TBCC: variants seen among roughly 807,000 people sequenced by gnomAD.
The protein encoded by TBCC is tubulin folding cofactor C.
In TBCC, 25 loss-of-function variants were observed where a neutral mutation model predicts 25.3. The observed-to-expected ratio is 0.99, with a 90% confidence interval of 0.72 to 1.38. The LOEUF (loss-of-function observed/expected upper bound fraction) is 1.38, where lower values mean the gene tolerates loss of function less well. Among genes scored for constraint, TBCC ranks in the 40% most tolerant of loss-of-function variants. The pLI is 0.00. For missense variants in TBCC, 507 were observed against 447.2 expected (o/e 1.13, Z -1.21); for synonymous variants, 226 against 192.8 (o/e 1.17, Z -1.43).
rs1259678802 is a variant in TBCC, at chr6:42,744,807, G to T, written c.*226C>A. The T allele has an allele frequency of 2.5e-5, 11 of 438,698 alleles. No homozygotes were observed. The allele number at this position is 438,698 out of a possible 1,614,324, so 27.2% of individuals were successfully genotyped here. Reference sequence around the variant, plus strand: ...CCAGCGCGCCACCACGCTGGGGGACGGAGTAAGACTCAGTCTCAAAGGCAT... The same window carrying T: ...CCAGCGCGCCACCACGCTGGGGGACTGAGTAAGACTCAGTCTCAAAGGCAT... On this transcript the variant is annotated 3_prime_UTR_variant, in exon 1 of 1. Transcript: ENST00000372876.
Position 42,744,819 on chromosome 6 carries a change from A to T in TBCC, c.*214T>A. On this transcript the variant is annotated 3_prime_UTR_variant, in exon 1 of 1. Transcript: ENST00000372876. ...CACGCTGGGGGACGGAGTAAGACTC[A>T]GTCTCAAAGGCATGACGAAAATAGC... The T allele has an allele frequency of 3.7e-6, 2 of 547,352 alleles. No individual in the cohort carries two copies. The highest frequency in any genetic ancestry group is 2.6e-5 in the South Asian group (1 of 38,364). The allele number at this position is 547,352 out of a possible 1,614,324, so 33.9% of individuals were successfully genotyped here.
Position 42,745,063 on chromosome 6 carries a change from AGG to A in TBCC, c.1009_1010del (p.Pro337Ter). Reference protein sequence around the residue: ...DMASPNWSILPEEERNIQWD With the variant: ...DMASPNWSILXEEERNIQWD ...CCCACTGGATATTTCGCTCCTCTTC[AGG>A]AAGAATACTCCAGTTTGGGGAGGCC... is the stretch of plus-strand genomic sequence containing the variant. On this transcript the variant is annotated frameshift_variant, in exon 1 of 1. Transcript: ENST00000372876. LOFTEE classifies it high-confidence loss of function. The surrounding 1 kb of genome is among the most constrained non-coding windows in gnomAD (Gnocchi z 4.2). The A allele has an allele frequency of 6.2e-7, 1 of 1,614,240 alleles. No individual in the cohort carries two copies. The highest frequency in any genetic ancestry group is 8.5e-7 in the Non-Finnish European group (1 of 1,180,036).
rs1762243926 is a variant in TBCC, at chr6:42,745,383, G to A, written c.691C>T (p.His231Tyr). The change falls in exon 1 of 1, where the codon CAC (histidine) becomes TAC (tyrosine). Residue 231 changes from histidine to tyrosine, a missense_variant. His to Tyr is a moderately conservative substitution (Grantham distance 83, BLOSUM62 2). Transcript: ENST00000372876. This position sits in a 1 kb window ranked among gnomAD's most constrained non-coding sequence, Gnocchi z 4.2. ...NPNTLRLTKA[H>Y]SCKLLCGPVS... ...GGACCGCAGAGCAGCTTGCAGCTGT[G>A]GGCCTTGGTTAGCCGCAGGGTGTTG... 1.2e-6 allele frequency: 2 copies of A among 1,614,198 alleles called. No individual in the cohort carries two copies. The highest frequency in any genetic ancestry group is 1.7e-6 in the Non-Finnish European group (2 of 1,180,034).
chr6:42,745,619 A>C lies in TBCC; in HGVS notation c.455T>G (p.Val152Gly). Residue 152 changes from valine (V) to glycine (G), a missense_variant, in exon 1 of 1, where the codon GTA (valine) becomes GGA (glycine). Val to Gly is a moderately radical substitution (Grantham distance 109). Transcript: ENST00000372876. This position sits in a 1 kb window ranked among gnomAD's most constrained non-coding sequence, Gnocchi z 4.2. ...RGKDAASSTK[V>G]DAAPGIPPAV... ...CGGGGGGATGCCAGGAGCCGCGTCT[A>C]CTTTGGTAGACGAAGCAGCATCCTT... The C allele has an allele frequency of 6.2e-7, 1 of 1,612,810 alleles. No individual in the cohort carries two copies. The highest frequency in any genetic ancestry group is 8.5e-7 in the Non-Finnish European group (1 of 1,179,298).
In TBCC at chr6:42,746,062, G is replaced by C. The variant is rs141344378; in HGVS notation, c.12C>G (p.Val4=). 346 of 1,612,998 alleles carry C rather than the reference G, an allele frequency of 2.1e-4. No homozygotes were observed. In the African/African-American group the frequency reaches 4.0e-3, roughly 19 times the overall value. ...TCCTGACAGCAGCAGCGGAGCAACTGACGGACTCCATATTGGCTTCAAGCT... is the reference window on the plus strand; with the variant it reads ...TCCTGACAGCAGCAGCGGAGCAACTCACGGACTCCATATTGGCTTCAAGCT... MES[V]SCSAAAVRTG... The change falls in exon 1 of 1, where the codon GTC becomes GTG. Residue 4 remains valine (V), a synonymous_variant. Transcript: ENST00000372876.
chr6:42,746,050 A>G lies in TBCC; in HGVS notation c.24T>C (p.Ala8=). 1.2e-6 allele frequency: 2 copies of G among 1,613,536 alleles called. No homozygotes were observed. The highest frequency in any genetic ancestry group is 1.7e-6 in the Non-Finnish European group (2 of 1,179,572). Reference sequence around the variant, plus strand: ...CCATGTCTCCGGTCCTGACAGCAGCAGCGGAGCAACTGACGGACTCCATAT... The same window carrying G: ...CCATGTCTCCGGTCCTGACAGCAGCGGCGGAGCAACTGACGGACTCCATAT... MESVSCS[A]AAVRTGDMES... Residue 8 remains alanine, a synonymous_variant, in exon 1 of 1, where the codon GCT becomes GCC. Coordinates refer to ENST00000372876, the MANE Select transcript of TBCC (RefSeq NM_003192.3).
Position 42,744,944 on chromosome 6 carries a change from G to A in TBCC, c.*89C>T, listed in dbSNP as rs1483641185. 4.0e-6 allele frequency: 5 copies of A among 1,236,444 alleles called. No individual in the cohort carries two copies. In the African/African-American group the frequency reaches 4.5e-5, roughly 11 times the overall value. The allele number at this position is 1,236,444 out of a possible 1,614,324, so 76.6% of individuals were successfully genotyped here. ...TTAAAATGCTGAAAACATACACAGT[G>A]TGACAATAAGTAAACTTCGAGACCC... On this transcript the variant is annotated 3_prime_UTR_variant, in exon 1 of 1. Transcript: ENST00000372876.
rs972698973 is a variant in TBCC at position 42,746,096 on chromosome 6, C to T, written c.-23G>A. The T allele has an allele frequency of 1.9e-6, 3 of 1,592,058 alleles. No individual in the cohort carries two copies. The highest frequency in any genetic ancestry group is 2.6e-6 in the Non-Finnish European group (3 of 1,167,048). On this transcript the variant is annotated 5_prime_UTR_variant, in exon 1 of 1. Coordinates refer to ENST00000372876, the MANE Select transcript of TBCC (RefSeq NM_003192.3). The stretch of plus-strand genomic sequence containing the variant: ...CATATTGGCTTCAAGCTTCCTCTCT[C>T]TTGTCTTCCTTCCTCCGGGCGCGCT...
chr6:42,745,266 G>C lies in TBCC; in HGVS notation c.808C>G (p.Arg270Gly), dbSNP rs1340129351. The change falls in exon 1 of 1, where the codon CGC (arginine) becomes GGC (glycine). Residue 270 changes from arginine (R) to glycine (G), a missense_variant. By Grantham distance (125) the Arg-to-Gly change is moderately radical. Transcript: ENST00000372876. The surrounding 1 kb of genome is among the most constrained non-coding windows in gnomAD (Gnocchi z 4.2). ...CTGCTGGTCACCTGCAGGAAGATGC[G>C]GGTGTCTTTCGTACTGTGTATGCGG... is the stretch of plus-strand genomic sequence containing the variant. The part of the protein sequence containing the change: ...QLRIHSTKDT[R>G]IFLQVTSRAI... 1 of 1,614,230 alleles carries C rather than the reference G, an allele frequency of 6.2e-7. No individual in the cohort carries two copies. Among genetic ancestry groups the C allele is most frequent in the Non-Finnish European group, 8.5e-7 (1 of 1,180,046 alleles).
In TBCC at chr6:42,745,409, G is replaced by A; in HGVS notation, c.665C>T (p.Pro222Leu). The A allele has an allele frequency of 9.3e-6, 15 of 1,614,226 alleles. No individual in the cohort carries two copies. The highest frequency in any genetic ancestry group is 1.2e-5 in the Non-Finnish European group (14 of 1,180,048). Residue 222 changes from proline (P) to leucine (L), a missense_variant, in exon 1 of 1, where the codon CCC (proline) becomes CTC (leucine). By Grantham distance (98) the Pro-to-Leu change is moderately conservative. Coordinates refer to ENST00000372876, the MANE Select transcript of TBCC (RefSeq NM_003192.3). This position sits in a 1 kb window ranked among gnomAD's most constrained non-coding sequence, Gnocchi z 4.2. ...GGCCTTGGTTAGCCGCAGGGTGTTG[G>A]GATTTCCATACAGTCTGACCGTGCA... ...SNCTVRLYGNPNTLRLTKAHS... is the reference protein window; with the variant it reads ...SNCTVRLYGNLNTLRLTKAHS...
chr6:42,745,040 C>T lies in TBCC; in HGVS notation c.1034G>A (p.Trp345Ter). Reference protein sequence around the residue: ...ILPEEERNIQWD With the variant: ...ILPEEERNIQ ...GAACAGAGTGACAACTGCTTAGTCC[C>T]ACTGGATATTTCGCTCCTCTTCAGG... The change falls in exon 1 of 1, where the codon TGG becomes TAG. Residue 345 changes from tryptophan to a stop codon, truncating the protein, a stop_gained. Coordinates refer to ENST00000372876, the MANE Select transcript of TBCC (RefSeq NM_003192.3). LOFTEE classifies it high-confidence loss of function. The surrounding 1 kb of genome is among the most constrained non-coding windows in gnomAD (Gnocchi z 4.2). The T allele has an allele frequency of 6.2e-7, 1 of 1,613,618 alleles. No individual in the cohort carries two copies. The highest frequency in any genetic ancestry group is 1.1e-5 in the South Asian group (1 of 91,014).
In TBCC at chr6:42,745,265, C is replaced by A; in HGVS notation, c.809G>T (p.Arg270Leu). The A allele has an allele frequency of 6.2e-7, 1 of 1,614,218 alleles. No individual in the cohort carries two copies. The highest frequency in any genetic ancestry group is 8.5e-7 in the Non-Finnish European group (1 of 1,180,042). The change falls in exon 1 of 1, where the codon CGC becomes CTC. Residue 270 changes from arginine (R) to leucine (L), a missense_variant. Arg to Leu is a moderately radical substitution (Grantham distance 102). Coordinates refer to ENST00000372876, the MANE Select transcript of TBCC (RefSeq NM_003192.3). The surrounding 1 kb of genome is among the most constrained non-coding windows in gnomAD (Gnocchi z 4.2). ...CCTGCTGGTCACCTGCAGGAAGATG[C>A]GGGTGTCTTTCGTACTGTGTATGCG... The part of the protein sequence containing the change: ...QLRIHSTKDT[R>L]IFLQVTSRAI...
In TBCC at chr6:42,745,553, G is replaced by A. The variant is rs544367395; in HGVS notation, c.521C>T (p.Ala174Val). 2.4e-5 allele frequency: 39 copies of A among 1,611,882 alleles called. No homozygotes were observed. The highest frequency in any genetic ancestry group is 7.7e-5 in the South Asian group (7 of 90,692). ...CCAGCTGGGGCCGAGGTCTCCTTCC[G>A]CCTTCTTGGGCAGCGGGGAGTCCTG... The part of the protein sequence containing the change: ...SIQDSPLPKK[A>V]EGDLGPSWVC... Residue 174 changes from alanine (A) to valine (V), a missense_variant, in exon 1 of 1, where the codon GCG becomes GTG. Transcript: ENST00000372876. This position sits in a 1 kb window ranked among gnomAD's most constrained non-coding sequence, Gnocchi z 4.2.
chr6:42,745,478 C>T lies in TBCC; in HGVS notation c.596G>A (p.Ser199Asn). The T allele has an allele frequency of 6.2e-7, 1 of 1,613,038 alleles. No individual in the cohort carries two copies. Among genetic ancestry groups the T allele is most frequent in the Non-Finnish European group, 8.5e-7 (1 of 1,179,554 alleles). Reference protein sequence around the residue: ...LESQVLEKRASELHQRDVLLT... With the variant: ...LESQVLEKRANELHQRDVLLT... The stretch of plus-strand genomic sequence containing the variant: ...AAGAACGTCGCGCTGGTGCAACTCG[C>T]TGGCTCTCTTCTCCAAGACTTGGGA... The change falls in exon 1 of 1, where the codon AGC becomes AAC. Residue 199 changes from serine to asparagine, a missense_variant. Physicochemically the swap from Ser to Asn is conservative, Grantham distance 46 (BLOSUM62 1). Transcript: ENST00000372876. This position sits in a 1 kb window ranked among gnomAD's most constrained non-coding sequence, Gnocchi z 4.2.
rs774312032 is a variant in TBCC, at chr6:42,745,280, C to T, written c.794G>A (p.Ser265Asn). 3.7e-6 allele frequency: 6 copies of T among 1,614,104 alleles called. No homozygotes were observed. Among genetic ancestry groups the T allele is most frequent in the Middle Eastern group, 1.6e-4 (1 of 6,084 alleles). Residue 265 changes from serine to asparagine, a missense_variant, in exon 1 of 1, where the codon AGT (serine) becomes AAT (asparagine). Transcript: ENST00000372876. This position sits in a 1 kb window ranked among gnomAD's most constrained non-coding sequence, Gnocchi z 4.2. Reference protein sequence around the residue: ...AVACQQLRIHSTKDTRIFLQV... With the variant: ...AVACQQLRIHNTKDTRIFLQV... ...CAGGAAGATGCGGGTGTCTTTCGTACTGTGTATGCGGAGCTGTTGGCAGGC... is the reference window on the plus strand; with the variant it reads ...CAGGAAGATGCGGGTGTCTTTCGTATTGTGTATGCGGAGCTGTTGGCAGGC...
chr6:42,745,651 G>A lies in TBCC; in HGVS notation c.423C>T (p.Thr141=). 1.2e-6 allele frequency: 2 copies of A among 1,612,212 alleles called. No individual in the cohort carries two copies. The highest frequency in any genetic ancestry group is 1.7e-6 in the Non-Finnish European group (2 of 1,179,226). Residue 141 remains threonine, a synonymous_variant, in exon 1 of 1, where the codon ACC becomes ACT. Transcript: ENST00000372876. The surrounding 1 kb of genome is among the most constrained non-coding windows in gnomAD (Gnocchi z 4.2). ...LQPKKRFAFK[T]RGKDAASSTK... Reference sequence around the variant, plus strand: ...TAGACGAAGCAGCATCCTTTCCCCGGGTCTTGAAAGCGAAACGCTTCTTGG... The same window carrying A: ...TAGACGAAGCAGCATCCTTTCCCCGAGTCTTGAAAGCGAAACGCTTCTTGG...
rs767300088 is a variant in TBCC, at chr6:42,746,075, T to C, written c.-2A>G. 10 of 1,610,030 alleles carry C rather than the reference T, an allele frequency of 6.2e-6. No homozygotes were observed. The South Asian group carries it at 6.6e-5, about 11-fold the overall frequency. On this transcript the variant is annotated 5_prime_UTR_variant, in exon 1 of 1. Coordinates refer to ENST00000372876, the MANE Select transcript of TBCC (RefSeq NM_003192.3). ...AGCGGAGCAACTGACGGACTCCATATTGGCTTCAAGCTTCCTCTCTCTTGT... is the reference window on the plus strand; with the variant it reads ...AGCGGAGCAACTGACGGACTCCATACTGGCTTCAAGCTTCCTCTCTCTTGT...
chr6:42,745,698 C>A lies in TBCC; in HGVS notation c.376G>T (p.Glu126Ter). 2 of 1,611,812 alleles carry A rather than the reference C, an allele frequency of 1.2e-6. No individual in the cohort carries two copies. The highest frequency in any genetic ancestry group is 1.3e-5 in the African/African-American group (1 of 74,910). ...TTGGGCTGCAGCCCCCGGCGCCGCT[C>A]GGCCAAGGCCGCCTGCAGCCGCGCC... ...ALARLQAALA[E>*]RRRGLQPKKR... The change falls in exon 1 of 1, where the codon GAG (glutamate) becomes TAG (stop). Residue 126 changes from glutamate to a stop codon, truncating the protein, a stop_gained. Coordinates refer to ENST00000372876, the MANE Select transcript of TBCC (RefSeq NM_003192.3). LOFTEE classifies it high-confidence loss of function. The surrounding 1 kb of genome is among the most constrained non-coding windows in gnomAD (Gnocchi z 4.2).
rs1256481137 is a variant in TBCC, at chr6:42,745,755, C to T, written c.319G>A (p.Ala107Thr). The change falls in exon 1 of 1, where the codon GCT becomes ACT. Residue 107 changes from alanine to threonine, a missense_variant. By Grantham distance (58) the Ala-to-Thr change is moderately conservative. Transcript: ENST00000372876. The surrounding 1 kb of genome is among the most constrained non-coding windows in gnomAD (Gnocchi z 4.2). ...LINDSVFFLAAYDLRQGQEAL... is the reference protein window; with the variant it reads ...LINDSVFFLATYDLRQGQEAL... ...TCTTGTCCCTGCCGCAGGTCGTAAG[C>T]GGCTAGGAAAAAAACTGAGTCGTTG... The T allele has an allele frequency of 1.2e-6, 2 of 1,613,928 alleles. No individual in the cohort carries two copies. Among genetic ancestry groups the T allele is most frequent in the Non-Finnish European group, 1.7e-6 (2 of 1,179,994 alleles).
Sources: gnomAD v4.1 joint callset for allele counts on GRCh38, gnomAD v4.1.1 for gene constraint, Gnocchi (gnomAD v3.1) non-coding constraint, MANE v1.5 for transcripts, NCBI Gene and HGNC (gene_info 2026-07-23, HGNC 2026-07-21) for gene names.